The following ENOX2 variants were observed in gnomAD, a reference collection of about 807,000 sequenced individuals.
The protein encoded by ENOX2 is ecto-NOX disulfide-thiol exchanger 2.
ENOX2 carries 36 observed loss-of-function variants against 45.0 expected under a neutral mutation model. The observed-to-expected ratio is 0.80, with a 90% CI of 0.61 to 1.06. ENOX2 has a LOEUF of 1.06. Ranked by LOEUF, ENOX2 falls within the 50% of genes least tolerant of loss-of-function variation. The probability of loss-of-function intolerance (pLI) is 0.00; values close to 1 mark genes in which losing one functional copy is unlikely to be tolerated. For missense variants in ENOX2, 423 were observed against 462.5 expected (o/e 0.91, Z 0.78); for synonymous variants, 174 against 152.3 (o/e 1.14, Z -1.05).
chrX:130,789,021 A>G (rs1490248174), intron 2 of ENOX2, among the ~76,000 whole-genome samples: 2 of 108,380 alleles, frequency 1.8e-5, no homozygotes, highest in Non-Finnish European at 3.8e-5. Flanking sequence ...CTGACTCCAT[A>G]ACACGTATGA....
intron 2 of ENOX2, among the ~76,000 whole-genome samples, chrX:130,851,713 T>C (rs776954244): frequency 1.2e-4 from 13 of 112,040 alleles, no homozygotes; most frequent in East Asian, 5.6e-4. Context: ...GCTCCACAGA[T>C]AGCTACAACA....
chrX:130,834,222 C>G (rs1033102974), intron 2 of ENOX2, among the ~76,000 whole-genome samples: 3 of 111,354 alleles, frequency 2.7e-5, no homozygotes, highest in African/African-American at 9.8e-5. Flanking sequence ...TATTCTCTTT[C>G]AACTGACTCT....
At chrX:130,737,720 T>C (rs1485829453) in intron 3 of ENOX2, among the ~76,000 whole-genome samples, 1 of 111,808 alleles carries the variant, frequency 8.9e-6, no homozygotes, top group Non-Finnish European at 1.9e-5. Context: ...ACCCAAAATT[T>C]ACTGATAGAA....
chrX:130,665,534 T>C (rs887234415), intron 9 of ENOX2, 109 bp downstream of exon 9: 18 of 538,077 alleles, frequency 3.3e-5, no homozygotes, highest in Admixed American at 5.5e-5. Context: ...GGCCTTATTG[T>C]GACCATGGGA....
intron 3 of ENOX2, among the ~76,000 whole-genome samples, chrX:130,757,069 A>T (rs762061875): frequency 8.9e-6 from 1 of 111,924 alleles, no homozygotes; most frequent in Non-Finnish European, 1.9e-5. Context: ...AGAATTCTCA[A>T]ATCTTAATTA....
At chrX:130,822,090 A>AG (rs1328974908) in intron 2 of ENOX2, among the ~76,000 whole-genome samples, 4 of 106,709 alleles carry the variant, frequency 3.7e-5, no homozygotes, top group African/African-American at 1.0e-4. Flanking sequence ...AAAAAAAAAA[A>AG]AGAGAGAGAA....
chrX:130,772,954 C>CA (rs1192482086), intron 3 of ENOX2, among the ~76,000 whole-genome samples: 1 of 112,188 alleles, frequency 8.9e-6, no homozygotes, highest in African/African-American at 3.2e-5. Context: ...ACTGAGTGTT[C>CA]ACTACGACCT....
intron 2 of ENOX2, among the ~76,000 whole-genome samples, chrX:130,814,934 A>G (rs1482734730): frequency 8.9e-6 from 1 of 111,751 alleles, no homozygotes; most frequent in Non-Finnish European, 1.9e-5. Flanking sequence ...GAAGGTGGGT[A>G]ATAACAAACT....
rs190282680 is a variant in ENOX2, at chrX:130,629,411, A to T, written c.1529-1368T>A. 7.6e-4 allele frequency among the ~76,000 whole-genome samples: 86 copies of T among 112,845 alleles called. 1 individual carries two copies. The highest frequency in any genetic ancestry group is 2.7e-3 in the African/African-American group (83 of 31,121). ...ATTTTCCTTTCTCTCTGCCAGCCCA[A>T]GACTACCTTCTTGAAAAAACAAAAC... is the stretch of plus-strand genomic sequence containing the variant. On this transcript the variant is annotated intron_variant, in intron 13 of 14. Coordinates refer to ENST00000394363, the MANE Select transcript of ENOX2 (RefSeq NM_006375.4).
chrX:130,888,577 T>C (rs2078943310), intron 2 of ENOX2, among the ~76,000 whole-genome samples: 2 of 112,176 alleles, frequency 1.8e-5, no homozygotes, highest in African/African-American at 6.5e-5. Flanking sequence ...AAAACCCTTT[T>C]GTAAATTGTA....
chrX:130,635,211 C>A, intron 11 of ENOX2, 120 bp from the exon 12 acceptor site: 1 of 397,892 alleles, frequency 2.5e-6, no homozygotes, highest in Non-Finnish European at 4.3e-6. Flanking sequence ...CACACACGAC[C>A]ATTTTTCCAT....
chrX:130,813,865 C>T (rs2077434196), intron 2 of ENOX2, among the ~76,000 whole-genome samples: 1 of 111,979 alleles, frequency 8.9e-6, no homozygotes, highest in Admixed American at 9.4e-5. Flanking sequence ...TGTTTTCATA[C>T]CCCAGTGGCG....
At chrX:130,834,112 G>T (rs764495194) in intron 2 of ENOX2, among the ~76,000 whole-genome samples, 10 of 111,439 alleles carry the variant, frequency 9.0e-5, no homozygotes, top group Admixed American at 7.7e-4. Context: ...ATCCCTTCTT[G>T]TTCCTCCATT....
At chrX:130,655,323 C>A (rs1001889372) in intron 10 of ENOX2, among the ~76,000 whole-genome samples, 2 of 111,653 alleles carry the variant, frequency 1.8e-5, no homozygotes, top group African/African-American at 6.5e-5. Flanking sequence ...TAATAAATAT[C>A]TTTTTCAAAG....
intron 2 of ENOX2, among the ~76,000 whole-genome samples, chrX:130,852,521 T>C: frequency 9.0e-6 from 1 of 111,523 alleles, no homozygotes; most frequent in Non-Finnish European, 1.9e-5. Flanking sequence ...GGCAAACATA[T>C]CCAGAATGGT....
chrX:130,792,390 C>T (rs764226023), intron 2 of ENOX2, among the ~76,000 whole-genome samples: 4 of 112,100 alleles, frequency 3.6e-5, no homozygotes, highest in Non-Finnish European at 5.6e-5. Context: ...GCACATGTAC[C>T]GCTAAACTTA....
intron 2 of ENOX2, among the ~76,000 whole-genome samples, chrX:130,880,838 G>A (rs777238398): frequency 2.7e-5 from 3 of 112,167 alleles, no homozygotes; most frequent in African/African-American, 6.5e-5. Flanking sequence ...AGTGCAGCTC[G>A]CATTTAAATT....
intron 10 of ENOX2, among the ~76,000 whole-genome samples, chrX:130,645,230 T>C (rs1469277840): frequency 8.9e-6 from 1 of 112,211 alleles, no homozygotes; most frequent in East Asian, 2.8e-4. Flanking sequence ...AACATTCATT[T>C]AGTACCTTTA....
chrX:130,830,535 T>C lies in ENOX2; in HGVS notation c.-182-46845A>G, dbSNP rs779906880. Among the ~76,000 whole-genome samples the C allele has an allele frequency of 1.9e-4, 21 of 111,892 alleles. No individual in the cohort carries two copies. In the South Asian group the frequency reaches 7.5e-3, roughly 40 times the overall value. Reference sequence around the variant, plus strand: ...TGTCTCTATCTATATTCTGTGTTGTTAAAATGGAACAAGTGTCGCTAAATC... The same window carrying C: ...TGTCTCTATCTATATTCTGTGTTGTCAAAATGGAACAAGTGTCGCTAAATC... On this transcript the variant is annotated intron_variant, in intron 2 of 14. Coordinates refer to ENST00000394363, the MANE Select transcript of ENOX2 (RefSeq NM_006375.4).
Sources: allele counts gnomAD v4.1 joint callset (sites outside exome capture counted in the v4.1 genomes callset), GRCh38; gene constraint gnomAD v4.1.1; transcripts MANE v1.5; gene names NCBI Gene and HGNC (gene_info 2026-07-23, HGNC 2026-07-21).